GSTO2: variants seen among roughly 807,000 people sequenced by gnomAD.
GSTO2 encodes the protein glutathione S-transferase omega-2.
Under a neutral mutation model 28.4 loss-of-function variants are expected in GSTO2, and 23 were observed. The ratio of observed to expected loss-of-function variants is 0.81; its 90% CI spans 0.58 to 1.15. The LOEUF (loss-of-function observed/expected upper bound fraction) is 1.15. GSTO2 is among the 50% of genes most tolerant of loss of function. GSTO2 has a pLI of 0.00. For missense variants in GSTO2, 298 were observed against 297.8 expected, an observed-to-expected ratio of 1.00 and a Z score of 0.00; for synonymous variants, 109 against 111.0, an observed-to-expected ratio of 0.98 and a Z score of 0.11.
Position 104,299,991 on chromosome 10 carries a change from A to G in GSTO2, c.*707A>G, listed in dbSNP as rs2013211900. 6.6e-6 allele frequency: 1 copy of G among 152,424 alleles called. No homozygotes were observed. The highest frequency in any genetic ancestry group is 1.5e-5 in the Non-Finnish European group (1 of 68,232). 9.4% of individuals were successfully genotyped at this position (152,424 alleles called of 1,614,324 possible). On this transcript the variant is annotated 3_prime_UTR_variant, in exon 7 of 7. Coordinates refer to ENST00000338595, the MANE Select transcript of GSTO2 (RefSeq NM_183239.2). The stretch of plus-strand genomic sequence containing the variant: ...CCAAAGACCTCCCTGGTGAAAGCTT[A>G]AGAAGAGGGAGAAGGAAGAAGAAAA...
At chr10:104,277,294 CTTT>C (rs552621333) in intron 3 of GSTO2, among the ~76,000 whole-genome samples, 1 of 144,274 alleles carries the variant, frequency 6.9e-6, no homozygotes, top group African/African-American at 2.5e-5. Flanking sequence ...GGCTCTACTA[CTTT>C]TTTTTTTTTT....
chr10:104,298,699 A>C (rs955912039), intron 6 of GSTO2, among the ~76,000 whole-genome samples: 4 of 152,244 alleles, frequency 2.6e-5, no homozygotes, highest in Admixed American at 6.5e-5. Context: ...AAAATGTTTT[A>C]GAAATTATTT....
intron 1 of GSTO2, among the ~76,000 whole-genome samples, chr10:104,274,471 G>C (rs1473982467): frequency 4.6e-5 from 7 of 152,112 alleles, no homozygotes; most frequent in Non-Finnish European, 1.5e-5. Context: ...AGAGTGGCCA[G>C]TTTAGTGATG....
At chr10:104,272,718 G>A (rs937708654) in intron 1 of GSTO2, among the ~76,000 whole-genome samples, 43 of 146,274 alleles carry the variant, frequency 2.9e-4, no homozygotes, top group Middle Eastern at 7.2e-3. Context: ...GGTTCACGCC[G>A]TTCTCCTGCC....
chr10:104,274,786 A>C lies in GSTO2; in HGVS notation c.-130A>C. The C allele has an allele frequency of 9.1e-7, 1 of 1,096,278 alleles. No individual in the cohort carries two copies. Among genetic ancestry groups the C allele is most frequent in the Non-Finnish European group, 1.4e-6 (1 of 739,860 alleles). The allele number at this position is 1,096,278 out of a possible 1,614,324, so 67.9% of individuals were successfully genotyped here. A position where few individuals can be genotyped will look rare whatever the true frequency, so the allele number is the denominator to read the frequency against. On this transcript the variant is annotated 5_prime_UTR_variant, in exon 2 of 7. Coordinates refer to ENST00000338595, the MANE Select transcript of GSTO2 (RefSeq NM_183239.2). Reference sequence around the variant, plus strand: ...TCCCCGTGCCCCGCCAGAGCCCAGTAGTTCAAAAATTAAATTTGGGGCAAG... The same window carrying C: ...TCCCCGTGCCCCGCCAGAGCCCAGTCGTTCAAAAATTAAATTTGGGGCAAG...
At chr10:104,282,031 A>G (rs1371725236) in intron 5 of GSTO2, among the ~76,000 whole-genome samples, 1 of 151,982 alleles carries the variant, frequency 6.6e-6, no homozygotes, top group African/African-American at 2.4e-5. Flanking sequence ...GGCCTTTTCC[A>G]CTGTGCCCAG....
At chr10:104,284,232 T>A (rs565264189) in intron 5 of GSTO2, among the ~76,000 whole-genome samples, 1 of 152,136 alleles carries the variant, frequency 6.6e-6, no homozygotes, top group African/African-American at 2.4e-5. Flanking sequence ...TGGTGATGCA[T>A]ACCCGTGGTC....
At chr10:104,297,542 T>G in intron 5 of GSTO2, 36 bp from the exon 6 acceptor site, 2 of 1,361,064 alleles carry the variant, frequency 1.5e-6, no homozygotes, top group Non-Finnish European at 2.1e-6. Flanking sequence ...AGCAGATATA[T>G]AAACTTATTT....
chr10:104,286,236 A>G (rs1424533555), intron 5 of GSTO2, among the ~76,000 whole-genome samples: 4 of 152,298 alleles, frequency 2.6e-5, no homozygotes, highest in Admixed American at 1.3e-4. Flanking sequence ...AAAACTGCTC[A>G]CTTGTAAGCT....
chr10:104,290,517 G>T (rs2012713208), intron 5 of GSTO2, among the ~76,000 whole-genome samples: 1 of 150,372 alleles, frequency 6.7e-6, no homozygotes, highest in Non-Finnish European at 1.5e-5. Flanking sequence ...AAAAAAAAAA[G>T]AAAAAAGAAA....
Position 104,274,921 on chromosome 10 carries a change from T to G in GSTO2, c.6T>G (p.Ser2=). 6.2e-7 allele frequency: 1 copy of G among 1,610,010 alleles called. No homozygotes were observed. Among genetic ancestry groups the G allele is most frequent in the Non-Finnish European group, 8.5e-7 (1 of 1,178,532 alleles). The change falls in exon 2 of 7, where the codon TCT becomes TCG. Residue 2 remains serine, a synonymous_variant. Coordinates refer to ENST00000338595, the MANE Select transcript of GSTO2 (RefSeq NM_183239.2). M[S]GDATRTLGKG... The stretch of plus-strand genomic sequence containing the variant: ...GCGCAAACCACCTGGAGACCATGTC[T>G]GGGGATGCGACCAGGACCCTGGGGA...
intron 5 of GSTO2, 110 bp from the exon 6 acceptor site, chr10:104,297,468 A>G: frequency 1.6e-6 from 1 of 644,692 alleles, no homozygotes; most frequent in Non-Finnish European, 2.7e-6. Context: ...AGAAGGAGAG[A>G]GGCCTCAGTT....
chr10:104,300,895 A>G lies in GSTO2; in HGVS notation c.*1611A>G, dbSNP rs2013239155. 6.6e-6 allele frequency: 1 copy of G among 152,390 alleles called. No homozygotes were observed. The highest frequency in any genetic ancestry group is 6.5e-5 in the Admixed American group (1 of 15,286). The allele number at this position is 152,390 out of a possible 1,614,324, so 9.4% of individuals were successfully genotyped here. ...GCCCTGCCATCTGCTGGCTCTGGGT[A>G]TATTTTGACCCATGTAAATAGTTAC... On this transcript the variant is annotated 3_prime_UTR_variant, in exon 7 of 7. Transcript: ENST00000338595.
Position 104,288,151 on chromosome 10 carries a change from A to G in GSTO2, c.468+8680A>G, listed in dbSNP as rs191620797. Among the ~76,000 whole-genome samples, 4 of 152,186 alleles carry G rather than the reference A, an allele frequency of 2.6e-5. No individual in the cohort carries two copies. The East Asian group carries it at 7.7e-4, about 29-fold the overall frequency. The stretch of plus-strand genomic sequence containing the variant: ...GTGATCCATCTGCCTCGGCCTCCCA[A>G]AGTGCTGGGATTACAGGCGTGAGCC... On this transcript the variant is annotated intron_variant, in intron 5 of 6. Coordinates refer to ENST00000338595, the MANE Select transcript of GSTO2 (RefSeq NM_183239.2).
rs1431930501 is a variant in GSTO2 at position 104,299,231 on chromosome 10, T to G, written c.679T>G (p.Leu227Val). The part of the protein sequence containing the change: ...LMDKSIFQGF[L>V]NLYFQNNPNA... ...GGATAAGAGCATTTTCCAGGGCTTC[T>G]TGAATCTCTATTTTCAGAACAACCC... Residue 227 changes from leucine (L) to valine (V), a missense_variant, in exon 7 of 7, where the codon TTG becomes GTG. Transcript: ENST00000338595. 6.2e-7 allele frequency: 1 copy of G among 1,614,130 alleles called. No individual in the cohort carries two copies. The highest frequency in any genetic ancestry group is 8.5e-7 in the Non-Finnish European group (1 of 1,180,050).
At position 104,277,850 on chromosome 10, in the gene GSTO2, G is replaced by A. The variant is rs371150075; in HGVS notation, c.144-44G>A. On this transcript the variant is annotated intron_variant, in intron 3 of 6. Coordinates refer to ENST00000338595, the MANE Select transcript of GSTO2 (RefSeq NM_183239.2). ...TCAAGAAGAGTGCCTGCCTGCAGAT[G>A]CCTCTCATTTTTGTTCTGTCTTGTT... The A allele has an allele frequency of 2.7e-4, 356 of 1,306,722 alleles. 6 individuals carry two copies. The South Asian group carries it at 4.1e-3, about 15-fold the overall frequency. 80.9% of individuals were successfully genotyped at this position (1,306,722 alleles called of 1,614,324 possible). A position where few individuals can be genotyped will look rare whatever the true frequency, so the allele number is the denominator to read the frequency against.
chr10:104,286,204 G>GT (rs35528873), intron 5 of GSTO2, among the ~76,000 whole-genome samples: 2 of 151,862 alleles, frequency 1.3e-5, no homozygotes, highest in East Asian at 1.9e-4. Context: ...ATTTCAGAGC[G>GT]TTTTTTTTAT....
intron 5 of GSTO2, among the ~76,000 whole-genome samples, chr10:104,284,614 G>A (rs2012303575): frequency 6.6e-6 from 1 of 152,116 alleles, no homozygotes; most frequent in Non-Finnish European, 1.5e-5. Context: ...ATTACTCTAA[G>A]CAGCACACAT....
intron 4 of GSTO2, among the ~76,000 whole-genome samples, chr10:104,278,703 A>G (rs766154018): frequency 2.0e-5 from 3 of 151,394 alleles, no homozygotes; most frequent in Non-Finnish European, 4.4e-5. Flanking sequence ...CTGGTCTTGA[A>G]CTCCTGACCT....
Sources: allele counts gnomAD v4.1 joint callset (sites outside exome capture counted in the v4.1 genomes callset), GRCh38; gene constraint gnomAD v4.1.1; transcripts MANE v1.5; gene names NCBI Gene and HGNC (gene_info 2026-07-23, HGNC 2026-07-21).